The following NUBP1 variants were observed in gnomAD, a reference collection of about 807,000 sequenced individuals.
The protein encoded by NUBP1 is cytosolic Fe-S cluster assembly factor NUBP1.
NUBP1 carries 46 observed loss-of-function variants against 41.8 expected under a neutral mutation model. That is an observed-to-expected ratio of 1.10 (90% CI 0.87 to 1.41). The LOEUF (loss-of-function observed/expected upper bound fraction) is 1.41, where lower values mean the gene tolerates loss of function less well. NUBP1 is among the 40% of genes most tolerant of loss of function. The probability of loss-of-function intolerance (pLI) is 0.00; values close to 1 mark genes in which losing one functional copy is unlikely to be tolerated. For synonymous variants in NUBP1, 189 were observed against 154.6 expected (o/e 1.22, Z -1.65); for missense variants, 494 against 414.0 (o/e 1.19, Z -1.68).
chr16:10,756,754 T>C lies in NUBP1; in HGVS notation c.425T>C (p.Val142Ala), dbSNP rs756895124. ...GFLLSSPDDA[V>A]IWRGPKKNGM... is the part of the protein sequence containing the mutation. Reference sequence around the variant, plus strand: ...CTGCTCAGCAGTCCTGATGATGCTGTTATCTGGAGGGGACCCAAGAAAAAC... The same window carrying C: ...CTGCTCAGCAGTCCTGATGATGCTGCTATCTGGAGGGGACCCAAGAAAAAC... The change falls in exon 6 of 11, where the codon GTT becomes GCT. Residue 142 changes from valine to alanine, a missense_variant. By Grantham distance (64) the Val-to-Ala change is moderately conservative (BLOSUM62 0). Transcript: ENST00000283027. 1 of 1,591,632 alleles carries C rather than the reference T, an allele frequency of 6.3e-7. No homozygotes were observed. The highest frequency in any genetic ancestry group is 1.1e-5 in the South Asian group (1 of 87,090).
Position 10,756,741 on chromosome 16 carries a change from C to T in NUBP1, c.412C>T (p.Pro138Ser). 7.6e-6 allele frequency: 12 copies of T among 1,588,602 alleles called. No homozygotes were observed. Among genetic ancestry groups the T allele is most frequent in the East Asian group, 2.4e-5 (1 of 42,278 alleles). ...VMSVGFLLSS[P>S]DDAVIWRGPK... ...GTCAGTGGGCTTCCTGCTCAGCAGTCCTGATGATGCTGTTATCTGGAGGGG... is the reference window on the plus strand; with the variant it reads ...GTCAGTGGGCTTCCTGCTCAGCAGTTCTGATGATGCTGTTATCTGGAGGGG... The change falls in exon 6 of 11, where the codon CCT becomes TCT. Residue 138 changes from proline (P) to serine (S), a missense_variant. By Grantham distance (74) the Pro-to-Ser change is moderately conservative (BLOSUM62 -1). Transcript: ENST00000283027.
Position 10,743,902 on chromosome 16 carries a change from G to A in NUBP1, c.19+20G>A. The A allele has an allele frequency of 6.4e-7, 1 of 1,572,826 alleles. No individual in the cohort carries two copies. Among genetic ancestry groups the A allele is most frequent in the Admixed American group, 1.9e-5 (1 of 51,524 alleles). On this transcript the variant is annotated intron_variant, in intron 1 of 10. Coordinates refer to ENST00000283027, the MANE Select transcript of NUBP1 (RefSeq NM_002484.4). ...CTCACGGTAAGCTCGCGGAGGGGGC[G>A]TGGGTCGCGGGGCGAAAGTGTCGGG...
chr16:10,755,841 T>A, intron 5 of NUBP1, 88 bp downstream of exon 5: 2 of 1,249,852 alleles, frequency 1.6e-6, no homozygotes, highest in Non-Finnish European at 2.3e-6. Flanking sequence ...CCATAGGTAT[T>A]TATTAGGGTA....
chr16:10,752,920 G>C (rs1408293073), intron 4 of NUBP1, among the ~76,000 whole-genome samples: 2 of 152,120 alleles, frequency 1.3e-5, no homozygotes, highest in Non-Finnish European at 2.9e-5. Flanking sequence ...TCAGCCTCCT[G>C]AGTAGCTGGG....
Position 10,766,052 on chromosome 16 carries a change from A to G in NUBP1, c.821-1897A>G, listed in dbSNP as rs140355974. 2.2e-3 allele frequency: 334 copies of G among 152,496 alleles called. 1 individual carries two copies. The highest frequency in any genetic ancestry group is 9.5e-3 in the South Asian group (46 of 4,828). The allele number at this position is 152,496 out of a possible 1,614,324, so 9.4% of individuals were successfully genotyped here. Reference sequence around the variant, plus strand: ...GGAAAACCCACCTTCCTAGGAACAGACAGGAAGGCATGAGGACAGCACTTC... The same window carrying G: ...GGAAAACCCACCTTCCTAGGAACAGGCAGGAAGGCATGAGGACAGCACTTC... On this transcript the variant is annotated intron_variant, in intron 9 of 10. Coordinates refer to ENST00000283027, the MANE Select transcript of NUBP1 (RefSeq NM_002484.4). This position sits in a 1 kb window ranked among gnomAD's most constrained non-coding sequence, Gnocchi z 4.8.
chr16:10,767,252 C>T lies in NUBP1; in HGVS notation c.821-697C>T. The T allele has an allele frequency of 2.5e-6, 1 of 399,500 alleles. No individual in the cohort carries two copies. The highest frequency in any genetic ancestry group is 3.6e-5 in the East Asian group (1 of 28,116). 24.7% of individuals were successfully genotyped at this position (399,500 alleles called of 1,614,324 possible). ...AGAACACCCCCATTGACCCCTAGCCCCTTGTGTCCTGTCCACCTGGCTCTG... is the reference window on the plus strand; with the variant it reads ...AGAACACCCCCATTGACCCCTAGCCTCTTGTGTCCTGTCCACCTGGCTCTG... On this transcript the variant is annotated intron_variant, in intron 9 of 10. Coordinates refer to ENST00000283027, the MANE Select transcript of NUBP1 (RefSeq NM_002484.4). The surrounding 1 kb of genome is among the most constrained non-coding windows in gnomAD (Gnocchi z 4.6).
rs886535320 is a variant in NUBP1 at position 10,760,356 on chromosome 16, C to A, written c.607-1008C>A. Among the ~76,000 whole-genome samples the A allele has an allele frequency of 9.8e-5, 15 of 152,332 alleles. No individual in the cohort carries two copies. The South Asian group carries it at 2.9e-3, about 29-fold the overall frequency. ...TTATAAAACCAGCCAGATTCAGCCCCCAGGCTGGGGTTTGCCAAGCTCTGG... is the reference window on the plus strand; with the variant it reads ...TTATAAAACCAGCCAGATTCAGCCCACAGGCTGGGGTTTGCCAAGCTCTGG... On this transcript the variant is annotated intron_variant, in intron 7 of 10. Transcript: ENST00000283027.
chr16:10,763,787 G>A (rs1427348630), intron 9 of NUBP1: 2 of 155,684 alleles, frequency 1.3e-5, no homozygotes, highest in African/African-American at 4.8e-5. Context: ...TGACAAGGGA[G>A]AGCGTTAGCC....
At position 10,761,448 on chromosome 16, in the gene NUBP1, A is replaced by C. The variant is rs1390446662; in HGVS notation, c.691A>C (p.Ser231Arg). ...CATCATCGGGGTGGTGGAGAACATG[A>C]GTGGCTTCATCTGTCCTAAGTGCAA... Reference protein sequence around the residue: ...LPIIGVVENMSGFICPKCKKE... With the variant: ...LPIIGVVENMRGFICPKCKKE... The change falls in exon 8 of 11, where the codon AGT becomes CGT. Residue 231 changes from serine (S) to arginine (R), a missense_variant. Transcript: ENST00000283027. 1.2e-6 allele frequency: 2 copies of C among 1,613,906 alleles called. No individual in the cohort carries two copies. The highest frequency in any genetic ancestry group is 1.6e-4 in the Middle Eastern group (1 of 6,084).
intron 9 of NUBP1, among the ~76,000 whole-genome samples, chr16:10,762,392 A>G (rs2030063021): frequency 6.6e-6 from 1 of 152,210 alleles, no homozygotes; most frequent in African/African-American, 2.4e-5. Context: ...CAGGATCCCA[A>G]GAGATGCCCA....
At chr16:10,752,798 TG>T (rs1293201386) in intron 4 of NUBP1, 120 bp downstream of exon 4, 3 of 865,540 alleles carry the variant, frequency 3.5e-6, no homozygotes, top group Non-Finnish European at 5.5e-6. Context: ...GTTGTTGTTT[TG>T]TTTTGTTGTT....
rs779162468 is a variant in NUBP1 at position 10,752,592 on chromosome 16, G to T, written c.259-18G>T. ...TGCATTCAGTTATATAACCGCTTTG[G>T]TCTCTTCTTGTCCCCAGATTGCTCT... On this transcript the variant is annotated intron_variant, in intron 3 of 10. Transcript: ENST00000283027. 31 of 1,610,280 alleles carry T rather than the reference G, an allele frequency of 1.9e-5. No homozygotes were observed. The highest frequency in any genetic ancestry group is 1.9e-4 in the African/African-American group (14 of 74,774).
intron 4 of NUBP1, among the ~76,000 whole-genome samples, chr16:10,752,882 A>C (rs1900386387): frequency 2.0e-5 from 3 of 152,058 alleles, no homozygotes; most frequent in South Asian, 4.2e-4. Context: ...TGCAACCTCC[A>C]CCTCCTGGGT....
At chr16:10,763,102 G>C (rs979544074) in intron 9 of NUBP1, among the ~76,000 whole-genome samples, 1 of 152,092 alleles carries the variant, frequency 6.6e-6, no homozygotes, top group Non-Finnish European at 1.5e-5. Flanking sequence ...GTCACCTGGA[G>C]GAGGGTCCGT....
In NUBP1 at chr16:10,749,126, T is replaced by TACACACACACACACACACACACACACAC. The variant is rs58201009; in HGVS notation, c.258+1867_258+1894dup. On this transcript the variant is annotated intron_variant, in intron 3 of 10. Transcript: ENST00000283027. The surrounding 1 kb of genome is among the most constrained non-coding windows in gnomAD (Gnocchi z 4.1). ...GGATATAGATAGATACACAGACACA[T>TACACACACACACACACACACACACACAC]ACACACACACACACACACACACACA... 8.3e-6 allele frequency among the ~76,000 whole-genome samples: 1 copy of TACACACACACACACACACACACACACAC among 121,024 alleles called. No homozygotes were observed. Among genetic ancestry groups the TACACACACACACACACACACACACACAC allele is most frequent in the African/African-American group, 3.1e-5 (1 of 32,142 alleles). The allele number at this position is 121,024 out of a possible 152,430, so 79.4% of individuals were successfully genotyped here.
rs780314321 is a variant in NUBP1 at position 10,767,948 on chromosome 16, G to T, written c.821-1G>T. The T allele has an allele frequency of 6.2e-7, 1 of 1,614,026 alleles. No homozygotes were observed. Among genetic ancestry groups the T allele is most frequent in the Non-Finnish European group, 8.5e-7 (1 of 1,179,942 alleles). ...TGTCTTCCGTTTGTTTCTTTTTTAA[G>T]GTAAGAATTGTGACAAAGGCCAGTC... On this transcript the variant is annotated splice_acceptor_variant, in intron 9 of 10. Coordinates refer to ENST00000283027, the MANE Select transcript of NUBP1 (RefSeq NM_002484.4). LOFTEE classifies it high-confidence loss of function. The surrounding 1 kb of genome is among the most constrained non-coding windows in gnomAD (Gnocchi z 4.6).
intron 2 of NUBP1, among the ~76,000 whole-genome samples, chr16:10,746,204 C>G (rs1022703478): frequency 6.6e-6 from 1 of 152,198 alleles, no homozygotes; most frequent in Admixed American, 6.5e-5. Context: ...TTTGGCCAGT[C>G]ATGAGACTTT....
rs2233531 is a variant in NUBP1 at position 10,744,056 on chromosome 16, C to G, written c.115C>G (p.Pro39Ala). 169,352 of 1,577,824 alleles carry G rather than the reference C, an allele frequency of 0.11. 9,735 individuals carry two copies. Among genetic ancestry groups the G allele is most frequent in the South Asian group, 0.17 (14,623 of 85,442 alleles). The change falls in exon 2 of 11, where the codon CCG becomes GCG. Residue 39 changes from proline to alanine, a missense_variant. Pro to Ala is a conservative substitution (Grantham distance 27, BLOSUM62 -1). Coordinates refer to ENST00000283027, the MANE Select transcript of NUBP1 (RefSeq NM_002484.4). ...RLCASGAGAT[P>A]DTAIEEIKEK... ...GTGCGCTTCTGGAGCGGGGGCCACT[C>G]CGGACACGGGTGAGAAAAGGGCAAG... is the stretch of plus-strand genomic sequence containing the variant.
chr16:10,753,980 AC>A (rs1199211676), intron 4 of NUBP1, among the ~76,000 whole-genome samples: 1 of 152,038 alleles, frequency 6.6e-6, no homozygotes, highest in Non-Finnish European at 1.5e-5. Flanking sequence ...GAGCGATGTC[AC>A]CCTGTGAGGC....
Sources: gnomAD v4.1 joint callset for allele counts (sites outside exome capture counted in the v4.1 genomes callset) on GRCh38, gnomAD v4.1.1 for gene constraint, Gnocchi (gnomAD v3.1) non-coding constraint, MANE v1.5 for transcripts, NCBI Gene and HGNC (gene_info 2026-07-23, HGNC 2026-07-21) for gene names.